WDFY4: variants seen among roughly 807,000 people sequenced by gnomAD.
WDFY4 encodes the protein WDFY family member 4, also known as WD repeat- and FYVE domain-containing protein 4.
Under a neutral mutation model 351.9 loss-of-function variants are expected in WDFY4, and 169 were observed. The observed-to-expected ratio is 0.48, with a 90% CI of 0.42 to 0.55. The LOEUF is 0.55. Among genes scored for constraint, WDFY4 ranks in the 20% least tolerant of loss-of-function variants. The probability of loss-of-function intolerance (pLI) is 0.00; values close to 1 mark genes in which losing one functional copy is unlikely to be tolerated. For missense variants in WDFY4, 3,803 were observed against 3,935.6 expected (o/e 0.97, Z 0.90); for synonymous variants, 1,622 against 1,574.6 (o/e 1.03, Z -0.71).
At chr10:48,803,156 A>T in intron 24 of WDFY4, 130 bp from the exon 25 acceptor site, 1 of 864,588 alleles carries the variant, frequency 1.2e-6, no homozygotes, top group Non-Finnish European at 1.8e-6. Context: ...ATCTGATTCC[A>T]GAGCTGGTAC....
At chr10:48,941,531 A>T (rs1423894686) in intron 47 of WDFY4, among the ~76,000 whole-genome samples, 1 of 152,322 alleles carries the variant, frequency 6.6e-6, no homozygotes, top group East Asian at 1.9e-4. Context: ...CTGAGGCTGC[A>T]TGTCCCCTGG....
intron 7 of WDFY4, among the ~76,000 whole-genome samples, chr10:48,728,839 C>A (rs1322518818): frequency 6.6e-6 from 1 of 152,198 alleles, no homozygotes; most frequent in South Asian, 2.1e-4. Flanking sequence ...GGAGAGGGGA[C>A]AGAAACCTAT....
At chr10:48,714,327 G>A (rs748846635) in intron 2 of WDFY4, among the ~76,000 whole-genome samples, 1 of 152,108 alleles carries the variant, frequency 6.6e-6, no homozygotes, top group Non-Finnish European at 1.5e-5. Context: ...CCTTTTCCTT[G>A]GGCTCAAAAA....
chr10:48,963,744 G>T, intron 53 of WDFY4, 98 bp from the exon 54 acceptor site: 2 of 1,294,816 alleles, frequency 1.5e-6, no homozygotes, highest in South Asian at 1.4e-5. Flanking sequence ...TCTGTGCAGG[G>T]CCAGCACTCT....
chr10:48,728,072 G>A (rs1244823188), intron 7 of WDFY4, among the ~76,000 whole-genome samples: 1 of 152,200 alleles, frequency 6.6e-6, no homozygotes, highest in Non-Finnish European at 1.5e-5. Context: ...CAGCACAGCT[G>A]CCCTTGGGTG....
At chr10:48,803,235 C>A in intron 24 of WDFY4, 51 bp from the exon 25 acceptor site, 2 of 1,535,514 alleles carry the variant, frequency 1.3e-6, no homozygotes, top group South Asian at 1.2e-5. Flanking sequence ...TCCTGCAAAT[C>A]ATTCTTCTCC....
In WDFY4 at chr10:48,889,248, A is replaced by G. The variant is rs543491789; in HGVS notation, c.7168-1331A>G. Reference sequence around the variant, plus strand: ...GCTTACGAAAAACAGCTCAGCCCTGACTTGCCCTGGATCATAGTGGTTAAT... The same window carrying G: ...GCTTACGAAAAACAGCTCAGCCCTGGCTTGCCCTGGATCATAGTGGTTAAT... On this transcript the variant is annotated intron_variant, in intron 43 of 61. Transcript: ENST00000325239. Among the ~76,000 whole-genome samples the G allele has an allele frequency of 2.0e-5, 3 of 152,354 alleles. No individual in the cohort carries two copies. The East Asian group carries it at 5.8e-4, about 29-fold the overall frequency.
chr10:48,919,601 G>A (rs1043160240), intron 47 of WDFY4, among the ~76,000 whole-genome samples: 1 of 152,218 alleles, frequency 6.6e-6, no homozygotes, highest in Non-Finnish European at 1.5e-5. Flanking sequence ...CATCTGGTAA[G>A]AGCATGCTAC....
intron 27 of WDFY4, 126 bp downstream of exon 27, chr10:48,806,221 T>C: frequency 1.1e-6 from 1 of 885,778 alleles, no homozygotes; most frequent in Non-Finnish European, 1.8e-6. Flanking sequence ...AGCCGTGGTT[T>C]CCAAGCCGTG....
At chr10:48,793,686 T>C (rs2066757575) in intron 23 of WDFY4, among the ~76,000 whole-genome samples, 1 of 152,224 alleles carries the variant, frequency 6.6e-6, no homozygotes, top group African/African-American at 2.4e-5. Flanking sequence ...GTGTCCGGCT[T>C]GTTTATTGCT....
At chr10:48,903,271 A>T (rs1311297358) in intron 47 of WDFY4, among the ~76,000 whole-genome samples, 3 of 152,160 alleles carry the variant, frequency 2.0e-5, no homozygotes, top group Non-Finnish European at 4.4e-5. Flanking sequence ...CAAGATTCTC[A>T]TGTCGGTTTT....
intron 19 of WDFY4, among the ~76,000 whole-genome samples, chr10:48,784,530 CTTTTTTTTTTTT>C (rs71465479): frequency 1.5e-4 from 4 of 26,874 alleles, no homozygotes; most frequent in South Asian, 4.5e-3. Flanking sequence ...GCATTGTTTG[CTTTTTTTTTTTT>C]TTTTTTTTTT....
chr10:48,686,918 C>T (rs996074095), intron 1 of WDFY4, among the ~76,000 whole-genome samples: 9 of 152,082 alleles, frequency 5.9e-5, no homozygotes, highest in African/African-American at 1.4e-4. Flanking sequence ...TTGTACATAT[C>T]GTCAGCCTTA....
intron 24 of WDFY4, among the ~76,000 whole-genome samples, chr10:48,800,670 G>GTTTCTTTCTTTCTTTCTTTC (rs59039598): frequency 5.2e-4 from 60 of 115,300 alleles, no homozygotes; most frequent in East Asian, 1.3e-3. Flanking sequence ...TTAGGTTTTG[G>GTTTCTTTCTTTCTTTCTTTC]TTTCTTTCTT....
At chr10:48,727,963 G>C (rs192696515) in intron 7 of WDFY4, among the ~76,000 whole-genome samples, 3 of 152,184 alleles carry the variant, frequency 2.0e-5, no homozygotes, top group Admixed American at 6.5e-5. Context: ...GCTGTAAGCT[G>C]CCCTGCCTGT....
At chr10:48,822,566 G>A (rs2067860883) in intron 35 of WDFY4, 29 bp downstream of exon 35, 4 of 1,488,466 alleles carry the variant, frequency 2.7e-6, no homozygotes, top group Middle Eastern at 1.7e-4. Context: ...CCGGGTATCT[G>A]TGTGGATCTG....
chr10:48,769,398 G>T (rs1373292106), intron 13 of WDFY4, among the ~76,000 whole-genome samples: 1 of 152,172 alleles, frequency 6.6e-6, no homozygotes, highest in Non-Finnish European at 1.5e-5. Context: ...AAGCTCATCC[G>T]TAGGCCCCAT....
chr10:48,743,720 C>T (rs929092802), intron 12 of WDFY4, among the ~76,000 whole-genome samples, 172 bp downstream of exon 12: 2 of 152,158 alleles, frequency 1.3e-5, no homozygotes, highest in East Asian at 3.9e-4. Context: ...ACTCTTCTAC[C>T]TTGGGAGCTG....
intron 53 of WDFY4, among the ~76,000 whole-genome samples, chr10:48,961,503 C>G (rs1285891603): frequency 1.3e-5 from 2 of 152,188 alleles, no homozygotes; most frequent in African/African-American, 4.8e-5. Context: ...GAGGATGTGA[C>G]TTTTGCCAAG....
Sources: gnomAD v4.1 joint callset for allele counts (sites outside exome capture counted in the v4.1 genomes callset) on GRCh38, gnomAD v4.1.1 for gene constraint, MANE v1.5 for transcripts, NCBI Gene and HGNC (gene_info 2026-07-23, HGNC 2026-07-21) for gene names.